The following GABRG3 variants were observed in gnomAD, a reference collection of about 807,000 sequenced individuals.
GABRG3 encodes gamma-aminobutyric acid type A receptor subunit gamma3.
GABRG3 carries 25 observed loss-of-function variants against 48.8 expected under a neutral mutation model. The ratio of observed to expected loss-of-function variants is 0.51; its 90% CI spans 0.37 to 0.72. The LOEUF is 0.72. GABRG3 is among the 30% of genes least tolerant of loss of function. The probability of loss-of-function intolerance (pLI) is 0.00; values close to 1 mark genes in which losing one functional copy is unlikely to be tolerated. For synonymous variants in GABRG3, 227 were observed against 217.6 expected (o/e 1.04, Z -0.38); for missense variants, 394 against 577.9 (o/e 0.68, Z 3.26).
intron 2 of GABRG3, among the ~76,000 whole-genome samples, chr15:27,024,433 T>C (rs1264637191): frequency 2.6e-5 from 4 of 152,234 alleles, no homozygotes; most frequent in Non-Finnish European, 5.9e-5. Flanking sequence ...TTTGTAGTTT[T>C]AGGCCTTACA....
chr15:27,255,390 C>A (rs2140462653), intron 3 of GABRG3, among the ~76,000 whole-genome samples: 1 of 152,298 alleles, frequency 6.6e-6, no homozygotes, highest in African/African-American at 2.4e-5. Context: ...TGCCACGTGC[C>A]AATTCTATAG....
At chr15:27,418,561 G>A (rs951860648) in intron 5 of GABRG3, among the ~76,000 whole-genome samples, 8 of 152,166 alleles carry the variant, frequency 5.3e-5, no homozygotes, top group African/African-American at 7.2e-5. Context: ...AGCCACCCCC[G>A]GCCACAGGCA....
In GABRG3 at chr15:27,507,998, G is replaced by T. The variant is rs143719256; in HGVS notation, c.713-11974G>T. Among the ~76,000 whole-genome samples the T allele has an allele frequency of 9.5e-4, 144 of 152,230 alleles. 1 individual carries two copies. Among genetic ancestry groups the T allele is most frequent in the African/African-American group, 2.8e-3 (117 of 41,530 alleles). On this transcript the variant is annotated intron_variant, in intron 6 of 9. Coordinates refer to ENST00000615808, the MANE Select transcript of GABRG3 (RefSeq NM_033223.5). ...CTACTCCAGCTTTCTTTTGCTTAAT[G>T]TTGCATGGTATTCCTTTCTCTATTT...
chr15:27,187,261 G>A (rs562587219), intron 3 of GABRG3, among the ~76,000 whole-genome samples: 1 of 152,186 alleles, frequency 6.6e-6, no homozygotes, highest in Admixed American at 6.6e-5. Flanking sequence ...TTCTGGTTCT[G>A]TATTCTGTTC....
intron 2 of GABRG3, among the ~76,000 whole-genome samples, chr15:26,997,005 T>G (rs1423079831): frequency 1.3e-5 from 2 of 152,170 alleles, no homozygotes; most frequent in Non-Finnish European, 2.9e-5. Flanking sequence ...TGTTAGTTTT[T>G]CATCATTCCT....
intron 3 of GABRG3, among the ~76,000 whole-genome samples, chr15:27,088,936 G>A (rs763388983): frequency 6.6e-6 from 1 of 152,164 alleles, no homozygotes; most frequent in Non-Finnish European, 1.5e-5. Context: ...GGGAAGGAGG[G>A]GAATGGGGCT....
At chr15:27,459,259 GC>G (rs1889379281) in intron 5 of GABRG3, among the ~76,000 whole-genome samples, 2 of 152,218 alleles carry the variant, frequency 1.3e-5, no homozygotes, top group Admixed American at 1.3e-4. Flanking sequence ...TGTTCCTGCT[GC>G]TGGGAGTCCC....
Position 27,003,203 on chromosome 15 carries a change from A to ATTTG in GABRG3, c.203-23548_203-23547insGTTT, listed in dbSNP as rs1895489135. Among the ~76,000 whole-genome samples the ATTTG allele has an allele frequency of 3.1e-5, 3 of 97,292 alleles. No individual in the cohort carries two copies. The South Asian group carries it at 1.0e-3, about 34-fold the overall frequency. 63.8% of individuals were successfully genotyped at this position (97,292 alleles called of 152,430 possible). A position where few individuals can be genotyped will look rare whatever the true frequency, so the allele number is the denominator to read the frequency against. ...TTTTAATTTTGTATTTTTATTTTAT[A>ATTTG]TTTATTTATTTATTTATTTATTTAT... On this transcript the variant is annotated intron_variant, in intron 2 of 9. Transcript: ENST00000615808.
At chr15:27,012,903 G>A (rs1895715626) in intron 2 of GABRG3, among the ~76,000 whole-genome samples, 1 of 152,058 alleles carries the variant, frequency 6.6e-6, no homozygotes, top group African/African-American at 2.4e-5. Flanking sequence ...TAAGCAGAAA[G>A]GCAAAAACAA....
chr15:27,110,262 C>G (rs997568388), intron 3 of GABRG3, among the ~76,000 whole-genome samples: 2 of 152,108 alleles, frequency 1.3e-5, no homozygotes, highest in African/African-American at 4.8e-5. Flanking sequence ...TAACACTATT[C>G]TGCACCATGT....
intron 3 of GABRG3, among the ~76,000 whole-genome samples, chr15:27,175,458 T>C (rs1177560436): frequency 6.6e-6 from 1 of 152,206 alleles, no homozygotes; most frequent in African/African-American, 2.4e-5. Context: ...TCTAAATATA[T>C]CATCCATAGG....
At chr15:27,279,657 T>C (rs752528046) in intron 3 of GABRG3, among the ~76,000 whole-genome samples, 4 of 152,226 alleles carry the variant, frequency 2.6e-5, no homozygotes, top group Admixed American at 1.3e-4. Flanking sequence ...ACGGTCTTGA[T>C]TACTGTAGTT....
chr15:27,271,469 C>T, intron 3 of GABRG3: 1 of 445,404 alleles, frequency 2.2e-6, no homozygotes, highest in Non-Finnish European at 4.5e-6. Flanking sequence ...GCCCTCGGAG[C>T]TCAGGCCATG....
At chr15:27,322,779 T>C (rs79131850) in intron 3 of GABRG3, among the ~76,000 whole-genome samples, 13,537 of 152,144 alleles carry the variant, frequency 0.089, 1,066 homozygotes, top group African/African-American at 0.22. Flanking sequence ...CTGCTGCTGA[T>C]GCCCCTCTCA....
intron 2 of GABRG3, among the ~76,000 whole-genome samples, chr15:27,003,503 G>A (rs1472328951): frequency 1.3e-5 from 2 of 152,012 alleles, no homozygotes; most frequent in Non-Finnish European, 2.9e-5. Context: ...ACCCTGAGTG[G>A]ACACAGCACA....
chr15:27,124,904 T>G lies in GABRG3; in HGVS notation c.270+98083T>G, dbSNP rs139416645. On this transcript the variant is annotated intron_variant, in intron 3 of 9. Transcript: ENST00000615808. The stretch of plus-strand genomic sequence containing the variant: ...AGTGCTGCTGAGACTACCTGTTTGA[T>G]GTGTTATAATTACATTCACTCTAAT... Among the ~76,000 whole-genome samples the G allele has an allele frequency of 3.0e-4, 45 of 152,336 alleles. No homozygotes were observed. In the East Asian group the frequency reaches 6.6e-3, roughly 22 times the overall value.
chr15:27,112,442 A>ATTT lies in GABRG3; in HGVS notation c.270+85634_270+85636dup, dbSNP rs200203617. Among the ~76,000 whole-genome samples the ATTT allele has an allele frequency of 4.1e-3, 564 of 137,624 alleles. 4 individuals carry two copies. The highest frequency in any genetic ancestry group is 0.012 in the Middle Eastern group (3 of 258). The allele number at this position is 137,624 out of a possible 152,430, so 90.3% of individuals were successfully genotyped here. A position where few individuals can be genotyped will look rare whatever the true frequency, so the allele number is the denominator to read the frequency against. Reference sequence around the variant, plus strand: ...TCTTCAGCATTTACTTATTTCATTGATTTTTTTTTTTTTTTGGTATGGGGT... The same window carrying ATTT: ...TCTTCAGCATTTACTTATTTCATTGATTTTTTTTTTTTTTTTTTGGTATGGGGT... On this transcript the variant is annotated intron_variant, in intron 3 of 9. Transcript: ENST00000615808.
intron 5 of GABRG3, among the ~76,000 whole-genome samples, chr15:27,442,067 C>T (rs1033982263): frequency 6.6e-6 from 1 of 152,170 alleles, no homozygotes; most frequent in Non-Finnish European, 1.5e-5. Context: ...GAAGCCCAGT[C>T]TCCAGTGTTC....
chr15:27,371,311 T>C (rs1595710658), intron 5 of GABRG3, among the ~76,000 whole-genome samples: 1 of 152,324 alleles, frequency 6.6e-6, no homozygotes, highest in East Asian at 1.9e-4. Context: ...TGTCATGTTT[T>C]CCCAGCCTGT....
Sources: allele counts gnomAD v4.1 joint callset (sites outside exome capture counted in the v4.1 genomes callset), GRCh38; gene constraint gnomAD v4.1.1; transcripts MANE v1.5; gene names NCBI Gene and HGNC (gene_info 2026-07-23, HGNC 2026-07-21).